RORB: variants seen among roughly 807,000 people sequenced by gnomAD.
RORB encodes RAR related orphan receptor B.
Under a neutral mutation model 59.1 loss-of-function variants are expected in RORB, and 6 were observed. The observed-to-expected ratio is 0.10, with a 90% CI of 0.06 to 0.20. The LOEUF (loss-of-function observed/expected upper bound fraction) is 0.20, where lower values mean the gene tolerates loss of function less well. Ranked by LOEUF, RORB falls within the 10% of genes least tolerant of loss-of-function variation. The pLI, the probability that RORB is intolerant of heterozygous loss-of-function variation, is 1.00. For synonymous variants in RORB, 215 were observed against 204.5 expected, an observed-to-expected ratio of 1.05 and a Z score of -0.44; for missense variants, 320 against 560.5, an observed-to-expected ratio of 0.57 and a Z score of 4.33.
At chr9:74,547,380 T>C (rs1826515657) in intron 1 of RORB, among the ~76,000 whole-genome samples, 1 of 152,122 alleles carries the variant, frequency 6.6e-6, no homozygotes, top group Non-Finnish European at 1.5e-5. Flanking sequence ...AAATAGGTGA[T>C]GATTAAAAAT....
At chr9:74,538,301 A>C (rs1826351795) in intron 1 of RORB, among the ~76,000 whole-genome samples, 1 of 152,110 alleles carries the variant, frequency 6.6e-6, no homozygotes, top group Non-Finnish European at 1.5e-5. Context: ...TAAGTGATGC[A>C]TGATTGTATT....
At chr9:74,603,450 G>T (rs554510134) in intron 1 of RORB, among the ~76,000 whole-genome samples, 2 of 152,250 alleles carry the variant, frequency 1.3e-5, no homozygotes, top group South Asian at 4.1e-4. Context: ...TCTCTTAAGT[G>T]GACTAGTCAT....
chr9:74,622,481 T>C (rs1047611048), intron 1 of RORB, among the ~76,000 whole-genome samples: 4 of 151,664 alleles, frequency 2.6e-5, no homozygotes, highest in African/African-American at 9.7e-5. Flanking sequence ...TGAAATGTTA[T>C]CGTGTATATG....
Position 74,692,396 on chromosome 9 carries a change from T to G in RORB, c.*6778T>G, listed in dbSNP as rs1420550666. The G allele has an allele frequency of 1.3e-5, 2 of 152,200 alleles. No individual in the cohort carries two copies. Among genetic ancestry groups the G allele is most frequent in the Non-Finnish European group, 2.9e-5 (2 of 68,032 alleles). 9.4% of individuals were successfully genotyped at this position (152,200 alleles called of 1,614,324 possible). Reference sequence around the variant, plus strand: ...AAATCCCTAACAATGCTTCCTTGCTTTTAGGATTGAGAGAAATGATTTTCA... The same window carrying G: ...AAATCCCTAACAATGCTTCCTTGCTGTTAGGATTGAGAGAAATGATTTTCA... On this transcript the variant is annotated 3_prime_UTR_variant, in exon 10 of 10. Coordinates refer to ENST00000376896, the MANE Select transcript of RORB (RefSeq NM_006914.4).
chr9:74,684,934 A>T (rs141055854), intron 9 of RORB, among the ~76,000 whole-genome samples: 2 of 152,316 alleles, frequency 1.3e-5, no homozygotes, highest in Non-Finnish European at 2.9e-5. Flanking sequence ...ACAAAAATCT[A>T]TGGGAAATTA....
intron 1 of RORB, among the ~76,000 whole-genome samples, chr9:74,593,597 T>C (rs1218407300): frequency 6.6e-6 from 1 of 152,254 alleles, no homozygotes; most frequent in Non-Finnish European, 1.5e-5. Flanking sequence ...GAGTCTATTT[T>C]TATTTTTCCA....
chr9:74,625,246 T>C (rs1823490720), intron 1 of RORB, among the ~76,000 whole-genome samples: 1 of 152,208 alleles, frequency 6.6e-6, no homozygotes, highest in Non-Finnish European at 1.5e-5. Context: ...TCTCATCATA[T>C]ACAAGAATCA....
intron 9 of RORB, 107 bp downstream of exon 9, chr9:74,672,008 G>T: frequency 1.6e-6 from 1 of 618,664 alleles, no homozygotes; most frequent in Non-Finnish European, 2.9e-6. Context: ...ATTTCTGAAA[G>T]TTACCAAAGA....
At chr9:74,555,540 C>T (rs1822274165) in intron 1 of RORB, among the ~76,000 whole-genome samples, 1 of 152,186 alleles carries the variant, frequency 6.6e-6, no homozygotes, top group African/African-American at 2.4e-5. Context: ...AGCAAAGACT[C>T]AAAGTCACAT....
intron 9 of RORB, among the ~76,000 whole-genome samples, chr9:74,682,934 T>C (rs1824571216): frequency 6.6e-6 from 1 of 152,164 alleles, no homozygotes; most frequent in Non-Finnish European, 1.5e-5. Flanking sequence ...TTATAAAATT[T>C]GAACCTCTGA....
chr9:74,681,199 A>G (rs1824541813), intron 9 of RORB, among the ~76,000 whole-genome samples: 1 of 152,198 alleles, frequency 6.6e-6, no homozygotes. Flanking sequence ...AGCTGTTTAA[A>G]AAGTTGTTGA....
intron 3 of RORB, among the ~76,000 whole-genome samples, chr9:74,639,684 A>T (rs1428130138): frequency 6.6e-6 from 1 of 152,234 alleles, no homozygotes; most frequent in Non-Finnish European, 1.5e-5. Flanking sequence ...CAATGGATAC[A>T]AACCTTGTAT....
intron 1 of RORB, among the ~76,000 whole-genome samples, chr9:74,602,715 T>C (rs1471204386): frequency 6.6e-6 from 1 of 152,250 alleles, no homozygotes; most frequent in Admixed American, 6.5e-5. Flanking sequence ...ATCCTTTCCC[T>C]GTATCTGGCT....
chr9:74,578,466 G>A (rs528582714), intron 1 of RORB, among the ~76,000 whole-genome samples: 14 of 152,150 alleles, frequency 9.2e-5, no homozygotes, highest in South Asian at 2.1e-4. Flanking sequence ...AAAGACAACC[G>A]TGTAAAAACA....
chr9:74,554,493 C>A (rs1161691685), intron 1 of RORB, among the ~76,000 whole-genome samples: 1 of 151,794 alleles, frequency 6.6e-6, no homozygotes, highest in African/African-American at 2.4e-5. Flanking sequence ...ACACAGTCAG[C>A]CCTGTTTAGC....
At chr9:74,678,032 C>T (rs947755542) in intron 9 of RORB, among the ~76,000 whole-genome samples, 4 of 152,116 alleles carry the variant, frequency 2.6e-5, no homozygotes, top group South Asian at 2.1e-4. Context: ...ATCACAATGA[C>T]GGATAAAAAG....
At chr9:74,514,203 A>G (rs768252336) in intron 1 of RORB, among the ~76,000 whole-genome samples, 8 of 152,142 alleles carry the variant, frequency 5.3e-5, no homozygotes, top group Non-Finnish European at 8.8e-5. Flanking sequence ...GAAATTGTGA[A>G]TAACTACCAA....
chr9:74,532,674 A>G (rs1164575356), intron 1 of RORB, among the ~76,000 whole-genome samples: 1 of 150,536 alleles, frequency 6.6e-6, no homozygotes, highest in African/African-American at 2.4e-5. Flanking sequence ...TATATTAAAT[A>G]TACGTATTAT....
chr9:74,634,022 CT>C (rs1398615168), intron 2 of RORB, among the ~76,000 whole-genome samples: 1 of 150,926 alleles, frequency 6.6e-6, no homozygotes, highest in African/African-American at 2.4e-5. Flanking sequence ...ATGATCCTGC[CT>C]GCAAATAGCC....
Sources: allele counts gnomAD v4.1 joint callset (sites outside exome capture counted in the v4.1 genomes callset), GRCh38; gene constraint gnomAD v4.1.1; transcripts MANE v1.5; gene names NCBI Gene and HGNC (gene_info 2026-07-23, HGNC 2026-07-21).